The following SLX4IP variants were observed in gnomAD, a reference collection of about 807,000 sequenced individuals.
SLX4IP encodes SLX4 interacting protein, also known as protein SLX4IP.
SLX4IP carries 34 observed loss-of-function variants against 32.9 expected under a neutral mutation model. The ratio of observed to expected loss-of-function variants is 1.03; its 90% CI spans 0.79 to 1.38. The LOEUF (loss-of-function observed/expected upper bound fraction) is 1.38, where lower values mean the gene tolerates loss of function less well. Among genes scored for constraint, SLX4IP ranks in the 40% most tolerant of loss-of-function variants. The probability of loss-of-function intolerance (pLI) is 0.00; values close to 1 mark genes in which losing one functional copy is unlikely to be tolerated. For missense variants in SLX4IP, 444 were observed against 479.0 expected, an observed-to-expected ratio of 0.93 and a Z score of 0.68; for synonymous variants, 172 against 171.7, an observed-to-expected ratio of 1.00 and a Z score of -0.01.
chr20:10,457,885 C>T (rs1347084496), intron 1 of SLX4IP, among the ~76,000 whole-genome samples: 1 of 150,950 alleles, frequency 6.6e-6, no homozygotes, highest in Non-Finnish European at 1.5e-5. Flanking sequence ...GCTGTGTTGC[C>T]TAGTTTGGTC....
chr20:10,479,012 G>A (rs184464078), intron 2 of SLX4IP, among the ~76,000 whole-genome samples: 237 of 152,360 alleles, frequency 1.6e-3, no homozygotes, highest in African/African-American at 5.5e-3. Flanking sequence ...CCTAAAACCT[G>A]GGATTCCAGG....
At chr20:10,552,521 C>G (rs547379676) in intron 2 of SLX4IP, among the ~76,000 whole-genome samples, 5 of 151,738 alleles carry the variant, frequency 3.3e-5, no homozygotes, top group Admixed American at 3.3e-4. Context: ...GTTGAGAGAG[C>G]TCAGAACTGC....
intron 4 of SLX4IP, among the ~76,000 whole-genome samples, chr20:10,598,229 C>T (rs943989089): frequency 9.9e-5 from 15 of 152,174 alleles, no homozygotes; most frequent in African/African-American, 3.4e-4. Context: ...ACCCTTGCCT[C>T]TCAAGAGAAG....
chr20:10,587,924 A>T (rs565091842), intron 4 of SLX4IP, among the ~76,000 whole-genome samples: 1 of 152,042 alleles, frequency 6.6e-6, no homozygotes, highest in African/African-American at 2.4e-5. Context: ...GCTCCTTGAC[A>T]TTGGTCCTGA....
intron 2 of SLX4IP, among the ~76,000 whole-genome samples, chr20:10,472,699 A>G (rs1266305008): frequency 1.3e-5 from 2 of 152,208 alleles, no homozygotes; most frequent in Non-Finnish European, 2.9e-5. Context: ...TCTGTTAAAT[A>G]ATAGGGTTAA....
At chr20:10,547,195 C>T (rs77077687) in intron 2 of SLX4IP, among the ~76,000 whole-genome samples, 9,043 of 152,290 alleles carry the variant, frequency 0.059, 437 homozygotes, top group South Asian at 0.21. Flanking sequence ...AAGGACATCA[C>T]AGCCTCTTAT....
intron 2 of SLX4IP, among the ~76,000 whole-genome samples, chr20:10,548,961 G>A (rs1413667161): frequency 6.6e-6 from 1 of 152,160 alleles, no homozygotes; most frequent in Non-Finnish European, 1.5e-5. Flanking sequence ...CTGTCTGCTA[G>A]TTTACTGAGT....
chr20:10,591,921 A>C (rs1429015335), intron 4 of SLX4IP, among the ~76,000 whole-genome samples: 1 of 152,252 alleles, frequency 6.6e-6, no homozygotes, highest in African/African-American at 2.4e-5. Flanking sequence ...GTCCCACAGA[A>C]AATGAAATTT....
At chr20:10,564,004 A>G (rs1389740084) in intron 4 of SLX4IP, among the ~76,000 whole-genome samples, 4 of 152,202 alleles carry the variant, frequency 2.6e-5, no homozygotes, top group African/African-American at 4.8e-5. Flanking sequence ...TAAACTGTCA[A>G]TTTCTAAAAG....
chr20:10,528,093 C>T (rs1027462289), intron 2 of SLX4IP, among the ~76,000 whole-genome samples: 3 of 152,120 alleles, frequency 2.0e-5, no homozygotes, highest in African/African-American at 7.2e-5. Flanking sequence ...ATCATTATGG[C>T]TGTTGTGTAA....
At chr20:10,463,057 AAAC>A (rs1197294963) in intron 2 of SLX4IP, among the ~76,000 whole-genome samples, 2 of 152,198 alleles carry the variant, frequency 1.3e-5, no homozygotes, top group Non-Finnish European at 2.9e-5. Flanking sequence ...CTGTCTCTAA[AAAC>A]AACAACAACA....
At chr20:10,441,725 G>GT (rs1303605107) in intron 1 of SLX4IP, among the ~76,000 whole-genome samples, 4 of 109,872 alleles carry the variant, frequency 3.6e-5, no homozygotes, top group Non-Finnish European at 6.9e-5. Flanking sequence ...TGACGTGTTT[G>GT]TTTTTGTTTT....
At position 10,601,677 on chromosome 20, in the gene SLX4IP, CTG is replaced by C. The variant is rs1365254827; in HGVS notation, c.317-50_317-49del. 2.1e-6 allele frequency: 3 copies of C among 1,449,222 alleles called. No individual in the cohort carries two copies. In the African/African-American group the frequency reaches 4.2e-5, roughly 20 times the overall value. 89.8% of individuals were successfully genotyped at this position (1,449,222 alleles called of 1,614,324 possible). ...TGAACAAAAATCTGGAACAACCATTCTGTGTTTATAGTTTTTTGACACCTTTA... is the reference window on the plus strand; with the variant it reads ...TGAACAAAAATCTGGAACAACCATTCTGTTTATAGTTTTTTGACACCTTTA... On this transcript the variant is annotated intron_variant, in intron 5 of 7. Transcript: ENST00000334534.
intron 1 of SLX4IP, among the ~76,000 whole-genome samples, chr20:10,451,745 A>G (rs1315158356): frequency 7.3e-5 from 11 of 151,030 alleles, no homozygotes; most frequent in African/African-American, 2.4e-4. Flanking sequence ...GAGGCGGGTG[A>G]ATCATGAGGT....
chr20:10,465,601 G>T (rs914689205), intron 2 of SLX4IP, among the ~76,000 whole-genome samples: 12 of 152,340 alleles, frequency 7.9e-5, no homozygotes, highest in African/African-American at 2.9e-4. Flanking sequence ...TGCCTCCCAG[G>T]TTCAAGTGAT....
chr20:10,609,721 G>T (rs1012650246), intron 6 of SLX4IP, among the ~76,000 whole-genome samples: 1 of 152,120 alleles, frequency 6.6e-6, no homozygotes, highest in African/African-American at 2.4e-5. Context: ...TCATCATCCC[G>T]AAAGAGGTCT....
chr20:10,575,983 A>C (rs1686141621), intron 4 of SLX4IP, among the ~76,000 whole-genome samples: 1 of 152,180 alleles, frequency 6.6e-6, no homozygotes, highest in Non-Finnish European at 1.5e-5. Context: ...GGTCTAACAC[A>C]TTGGGACCGT....
intron 2 of SLX4IP, among the ~76,000 whole-genome samples, chr20:10,554,789 A>T (rs891984664): frequency 5.3e-5 from 8 of 151,952 alleles, no homozygotes; most frequent in African/African-American, 1.7e-4. Flanking sequence ...TGCTTTTTTT[A>T]AAAATATCAG....
At chr20:10,565,276 C>T (rs1016028223) in intron 4 of SLX4IP, among the ~76,000 whole-genome samples, 1 of 152,114 alleles carries the variant, frequency 6.6e-6, no homozygotes, top group Non-Finnish European at 1.5e-5. Context: ...CAGAGTGGGT[C>T]TGGCTCTTAA....
Sources: gnomAD v4.1 joint callset for allele counts (sites outside exome capture counted in the v4.1 genomes callset) on GRCh38, gnomAD v4.1.1 for gene constraint, MANE v1.5 for transcripts, NCBI Gene and HGNC (gene_info 2026-07-23, HGNC 2026-07-21) for gene names.